PPARD: variants seen among roughly 807,000 people sequenced by gnomAD.
PPARD encodes peroxisome proliferator activated receptor delta.
Under a neutral mutation model 39.5 loss-of-function variants are expected in PPARD, and 6 were observed. The observed-to-expected ratio is 0.15, with a 90% CI of 0.08 to 0.30. The LOEUF (loss-of-function observed/expected upper bound fraction) is 0.30. Among genes scored for constraint, PPARD ranks in the 10% least tolerant of loss-of-function variants. The pLI is 1.00. For synonymous variants in PPARD, 210 were observed against 231.3 expected, an observed-to-expected ratio of 0.91 and a Z score of 0.83; for missense variants, 397 against 596.8, an observed-to-expected ratio of 0.67 and a Z score of 3.49.
At chr6:35,384,950 CGGGA>C in intron 2 of PPARD, among the ~76,000 whole-genome samples, 1 of 135,090 alleles carries the variant, frequency 7.4e-6, no homozygotes, top group African/African-American at 3.2e-5. Context: ...CCGCCCCATC[CGGGA>C]GGGAGGTGGG....
In PPARD at chr6:35,397,072, C is replaced by T. The variant is rs989089085; in HGVS notation, c.-101-13915C>T. Among the ~76,000 whole-genome samples, 9 of 152,268 alleles carry T rather than the reference C, an allele frequency of 5.9e-5. No homozygotes were observed. In the South Asian group the frequency reaches 1.9e-3, roughly 32 times the overall value. ...AGGACTCAGCTGCCCTTCACTCTTC[C>T]CTCGTGCACAGCCTGTCCTGTGAGT... On this transcript the variant is annotated intron_variant, in intron 2 of 7. Coordinates refer to ENST00000360694, the MANE Select transcript of PPARD (RefSeq NM_006238.5).
chr6:35,372,977 A>T (rs1361883453), intron 2 of PPARD, among the ~76,000 whole-genome samples: 1 of 152,220 alleles, frequency 6.6e-6, no homozygotes, highest in Admixed American at 6.5e-5. Context: ...GGGAAGTTCA[A>T]GATCAAGGCA....
chr6:35,373,852 G>A (rs1348665077), intron 2 of PPARD, among the ~76,000 whole-genome samples: 2 of 151,760 alleles, frequency 1.3e-5, no homozygotes, highest in Non-Finnish European at 2.9e-5. Context: ...TGTATTTTTT[G>A]TAGAAATGGG....
Position 35,420,228 on chromosome 6 carries a change from G to A in PPARD, c.232G>A (p.Gly78Arg), listed in dbSNP as rs753868321. Reference sequence around the variant, plus strand: ...CCTCAACATGGAGTGCCGGGTGTGCGGGGACAAGGCATCGGGCTTCCACTA... The same window carrying A: ...CCTCAACATGGAGTGCCGGGTGTGCAGGGACAAGGCATCGGGCTTCCACTA... ...GSLNMECRVC[G>R]DKASGFHYGV... Residue 78 changes from glycine (G) to arginine (R), a missense_variant, in exon 4 of 8, where the codon GGG becomes AGG. Physicochemically the swap from Gly to Arg is moderately radical, Grantham distance 125 (BLOSUM62 -2). Coordinates refer to ENST00000360694, the MANE Select transcript of PPARD (RefSeq NM_006238.5). 66 of 1,608,708 alleles carry A rather than the reference G, an allele frequency of 4.1e-5. No individual in the cohort carries two copies. Among genetic ancestry groups the A allele is most frequent in the Non-Finnish European group, 5.2e-5 (61 of 1,177,204 alleles).
rs1318152115 is a variant in PPARD, at chr6:35,363,104, T to C, written c.-102+15954T>C. Among the ~76,000 whole-genome samples, 1 of 152,050 alleles carries C rather than the reference T, an allele frequency of 6.6e-6. No individual in the cohort carries two copies. The highest frequency in any genetic ancestry group is 1.5e-5 in the Non-Finnish European group (1 of 68,016). ...ACGCATCTCAAAGCAAGGGAGAAAA[T>C]TGAAGATGGGGTATTTTGTGGGGAA... On this transcript the variant is annotated intron_variant, in intron 2 of 7. Transcript: ENST00000360694. The surrounding 1 kb of genome is among the most constrained non-coding windows in gnomAD (Gnocchi z 4.5).
At chr6:35,364,955 C>T (rs1290906094) in intron 2 of PPARD, among the ~76,000 whole-genome samples, 3 of 151,582 alleles carry the variant, frequency 2.0e-5, no homozygotes, top group South Asian at 2.1e-4. Flanking sequence ...GTGATCCACC[C>T]GCCTCGGCCT....
chr6:35,383,858 A>G (rs1310885913), intron 2 of PPARD, among the ~76,000 whole-genome samples: 1 of 141,922 alleles, frequency 7.0e-6, no homozygotes, highest in Non-Finnish European at 1.5e-5. Context: ...AGAAATGAGG[A>G]GCCTCTCCGC....
rs747826964 is a variant in PPARD at position 35,424,712 on chromosome 6, G to C, written c.1011G>C (p.Lys337Asn). ...IIEPKFEFAVKFNALELDDSD... is the reference protein window; with the variant it reads ...IIEPKFEFAVNFNALELDDSD... Reference sequence around the variant, plus strand: ...AGCCTAAGTTTGAATTTGCTGTCAAGTTCAACGCCCTGGAACTTGATGACA... The same window carrying C: ...AGCCTAAGTTTGAATTTGCTGTCAACTTCAACGCCCTGGAACTTGATGACA... The change falls in exon 7 of 8, where the codon AAG becomes AAC. Residue 337 changes from lysine (K) to asparagine (N), a missense_variant. Lys to Asn is a moderately conservative substitution (Grantham distance 94, BLOSUM62 0). Transcript: ENST00000360694. This position sits in a 1 kb window ranked among gnomAD's most constrained non-coding sequence, Gnocchi z 7.1. The C allele has an allele frequency of 1.2e-6, 2 of 1,614,262 alleles. No individual in the cohort carries two copies. The highest frequency in any genetic ancestry group is 2.2e-5 in the South Asian group (2 of 91,088).
chr6:35,348,852 A>G (rs1373739339), intron 2 of PPARD: 80 of 985,258 alleles, frequency 8.1e-5, no homozygotes, highest in Non-Finnish European at 7.0e-5. Flanking sequence ...GAAGAGGTCA[A>G]AGTACCTCCT....
chr6:35,425,755 C>T lies in PPARD; in HGVS notation c.1079-77C>T. The T allele has an allele frequency of 6.4e-7, 1 of 1,571,402 alleles. No homozygotes were observed. The highest frequency in any genetic ancestry group is 8.6e-7 in the Non-Finnish European group (1 of 1,160,868). On this transcript the variant is annotated intron_variant, in intron 7 of 7. Transcript: ENST00000360694. The surrounding 1 kb of genome is among the most constrained non-coding windows in gnomAD (Gnocchi z 4.5). ...CAAGGAGGCCTGCCGTCCCCTGGGC[C>T]AAGTCACCTCTTGGGGTGGAAGTAG...
intron 2 of PPARD, chr6:35,348,971 G>T: frequency 2.0e-6 from 2 of 984,978 alleles, no homozygotes. Flanking sequence ...CAGTTGTCCA[G>T]TTCATCCCTG....
rs1219645273 is a variant in PPARD at position 35,363,096 on chromosome 6, G to A, written c.-102+15946G>A. ...TTCCAGAAACGCATCTCAAAGCAAG[G>A]GAGAAAATTGAAGATGGGGTATTTT... On this transcript the variant is annotated intron_variant, in intron 2 of 7. Transcript: ENST00000360694. The surrounding 1 kb of genome is among the most constrained non-coding windows in gnomAD (Gnocchi z 4.5). 6.6e-6 allele frequency among the ~76,000 whole-genome samples: 1 copy of A among 152,170 alleles called. No individual in the cohort carries two copies. Among genetic ancestry groups the A allele is most frequent in the Non-Finnish European group, 1.5e-5 (1 of 68,046 alleles).
chr6:35,379,129 G>A (rs141107761), intron 2 of PPARD, among the ~76,000 whole-genome samples: 4 of 146,780 alleles, frequency 2.7e-5, no homozygotes, highest in East Asian at 2.0e-4. Flanking sequence ...TTGAGATAGC[G>A]TCTCACTCTT....
At chr6:35,345,875 T>G (rs955545393) in intron 1 of PPARD, among the ~76,000 whole-genome samples, 100 of 116,440 alleles carry the variant, frequency 8.6e-4, no homozygotes, top group African/African-American at 3.5e-3. Flanking sequence ...TTTTTTTTCG[T>G]TTTTTTTTTT....
Position 35,425,036 on chromosome 6 carries a change from G to A in PPARD, c.1078+257G>A. On this transcript the variant is annotated intron_variant, in intron 7 of 7. Coordinates refer to ENST00000360694, the MANE Select transcript of PPARD (RefSeq NM_006238.5). This position sits in a 1 kb window ranked among gnomAD's most constrained non-coding sequence, Gnocchi z 4.5. Reference sequence around the variant, plus strand: ...ACCTGTAATCCCAGCACTTTGGCAGGCCGAGGCGGGTGGATCACTTGAGGT... The same window carrying A: ...ACCTGTAATCCCAGCACTTTGGCAGACCGAGGCGGGTGGATCACTTGAGGT... 7.7e-7 allele frequency: 1 copy of A among 1,295,390 alleles called. No individual in the cohort carries two copies. The highest frequency in any genetic ancestry group is 9.8e-7 in the Non-Finnish European group (1 of 1,015,544). The allele number at this position is 1,295,390 out of a possible 1,614,324, so 80.2% of individuals were successfully genotyped here. A position where few individuals can be genotyped will look rare whatever the true frequency, so the allele number is the denominator to read the frequency against.
At chr6:35,383,666 C>T (rs1402523618) in intron 2 of PPARD, among the ~76,000 whole-genome samples, 2 of 137,346 alleles carry the variant, frequency 1.5e-5, no homozygotes, top group East Asian at 2.0e-4. Context: ...ATGTGGGGAG[C>T]GCCTCTGCCC....
At position 35,427,217 on chromosome 6, in the gene PPARD, T is replaced by C; in HGVS notation, c.*1138T>C. On this transcript the variant is annotated 3_prime_UTR_variant, in exon 8 of 8. Coordinates refer to ENST00000360694, the MANE Select transcript of PPARD (RefSeq NM_006238.5). ...GGCTCCACGGGAGTTCAGGCCCCACTCCCCCTGAAGCTGCCCCTCCAGCAC... is the reference window on the plus strand; with the variant it reads ...GGCTCCACGGGAGTTCAGGCCCCACCCCCCCTGAAGCTGCCCCTCCAGCAC... The C allele has an allele frequency of 6.2e-6, 1 of 160,868 alleles. No homozygotes were observed. Among genetic ancestry groups the C allele is most frequent in the Non-Finnish European group, 1.4e-5 (1 of 73,570 alleles). The allele number at this position is 160,868 out of a possible 1,614,324, so 10.0% of individuals were successfully genotyped here. A position where few individuals can be genotyped will look rare whatever the true frequency, so the allele number is the denominator to read the frequency against.
chr6:35,403,360 G>T (rs1432450991), intron 2 of PPARD, among the ~76,000 whole-genome samples: 2 of 152,188 alleles, frequency 1.3e-5, no homozygotes, highest in African/African-American at 4.8e-5. Context: ...TAGTATTCCA[G>T]TTTTAATGTC....
chr6:35,417,472 A>G (rs1457747844), intron 3 of PPARD, among the ~76,000 whole-genome samples: 2 of 150,086 alleles, frequency 1.3e-5, no homozygotes, highest in Non-Finnish European at 3.0e-5. Flanking sequence ...TTTACTTTTT[A>G]TAGAGACAGG....
Sources: gnomAD v4.1 joint callset for allele counts (sites outside exome capture counted in the v4.1 genomes callset) on GRCh38, gnomAD v4.1.1 for gene constraint, Gnocchi (gnomAD v3.1) non-coding constraint, MANE v1.5 for transcripts, NCBI Gene and HGNC (gene_info 2026-07-23, HGNC 2026-07-21) for gene names.